DGKI: variants seen among roughly 807,000 people sequenced by gnomAD.
The protein encoded by DGKI is DAG kinase iota.
A neutral mutation model predicts 147.5 loss-of-function variants in DGKI; 55 were observed. The observed-to-expected ratio is 0.37, with a 90% CI of 0.30 to 0.47. DGKI has a LOEUF of 0.47. DGKI is among the 20% of genes least tolerant of loss of function. The pLI, the probability that DGKI is intolerant of heterozygous loss-of-function variation, is 1.00. For missense variants in DGKI, 1,007 were observed against 1,323.8 expected, an observed-to-expected ratio of 0.76 and a Z score of 3.71; for synonymous variants, 469 against 477.1, an observed-to-expected ratio of 0.98 and a Z score of 0.22.
intron 1 of DGKI, among the ~76,000 whole-genome samples, chr7:137,690,846 C>CAAG (rs142386442): frequency 0.019 from 2,950 of 151,674 alleles, 98 homozygotes; most frequent in African/African-American, 0.069. Flanking sequence ...ATAAGAACAG[C>CAAG]AAGAAGAAGA....
chr7:137,618,145 A>ATATATATATG (rs1222286147), intron 8 of DGKI, among the ~76,000 whole-genome samples: 517 of 12,214 alleles, frequency 0.042, 48 homozygotes, highest in African/African-American at 0.12. Flanking sequence ...ATATATATAT[A>ATATATATATG]TATATATTTT....
chr7:137,765,655 C>G (rs535615482), intron 1 of DGKI, among the ~76,000 whole-genome samples: 1 of 152,198 alleles, frequency 6.6e-6, no homozygotes, highest in Non-Finnish European at 1.5e-5. Flanking sequence ...ACCATCAGCC[C>G]TTTGTAATGA....
intron 15 of DGKI, among the ~76,000 whole-genome samples, chr7:137,580,440 T>C (rs1468540876): frequency 1.3e-5 from 2 of 152,096 alleles, no homozygotes; most frequent in Non-Finnish European, 2.9e-5. Flanking sequence ...AGTGGTAGTG[T>C]TTCTGACTCA....
At chr7:137,427,613 C>A (rs1043142705) in intron 28 of DGKI, among the ~76,000 whole-genome samples, 9 of 152,074 alleles carry the variant, frequency 5.9e-5, no homozygotes, top group Admixed American at 6.5e-5. Context: ...AATCCAGGAG[C>A]TGGTTTTTTG....
chr7:137,459,682 G>T (rs1814351742), intron 27 of DGKI, among the ~76,000 whole-genome samples: 1 of 151,734 alleles, frequency 6.6e-6, no homozygotes, highest in South Asian at 2.1e-4. Flanking sequence ...CACCATGTTA[G>T]CCAGGATGGT....
chr7:137,452,541 A>G (rs1814011994), intron 27 of DGKI, among the ~76,000 whole-genome samples: 1 of 152,216 alleles, frequency 6.6e-6, no homozygotes, highest in South Asian at 2.1e-4. Context: ...GTATGTCCAC[A>G]CACTGAAAAC....
At chr7:137,593,087 T>C (rs1192911068) in intron 12 of DGKI, among the ~76,000 whole-genome samples, 1 of 152,194 alleles carries the variant, frequency 6.6e-6, no homozygotes, top group African/African-American at 2.4e-5. Context: ...GGGATGCTTT[T>C]TCATCTAGAA....
chr7:137,768,350 G>A (rs1179388111), intron 1 of DGKI, among the ~76,000 whole-genome samples: 2 of 152,126 alleles, frequency 1.3e-5, no homozygotes, highest in Non-Finnish European at 2.9e-5. Context: ...GCTGTCAGGG[G>A]AGCAGGACTC....
chr7:137,517,316 AAAG>A (rs1456259229), intron 21 of DGKI, among the ~76,000 whole-genome samples: 1 of 135,782 alleles, frequency 7.4e-6, no homozygotes, highest in African/African-American at 3.0e-5. Flanking sequence ...AGAAAGAAAG[AAAG>A]AAAGAAAGAA....
At chr7:137,698,117 TATAG>T (rs1823856568) in intron 1 of DGKI, among the ~76,000 whole-genome samples, 1 of 123,176 alleles carries the variant, frequency 8.1e-6, no homozygotes, top group African/African-American at 5.6e-5. Flanking sequence ...TCCAGATATA[TATAG>T]ATATAGATAT....
chr7:137,570,253 T>C (rs993023921), intron 19 of DGKI, among the ~76,000 whole-genome samples: 65 of 152,178 alleles, frequency 4.3e-4, no homozygotes, highest in African/African-American at 1.5e-3. Context: ...TTTTAACTGG[T>C]CCGCACATCA....
chr7:137,818,843 A>G (rs748962467), intron 1 of DGKI, among the ~76,000 whole-genome samples: 1 of 152,254 alleles, frequency 6.6e-6, no homozygotes, highest in Non-Finnish European at 1.5e-5. Flanking sequence ...TTACACACAA[A>G]TCAATACACA....
chr7:137,568,685 A>G (rs1299722885), intron 19 of DGKI, among the ~76,000 whole-genome samples: 1 of 152,032 alleles, frequency 6.6e-6, no homozygotes, highest in Non-Finnish European at 1.5e-5. Context: ...ACCCTTTCCA[A>G]GTAGTTCTTT....
At chr7:137,493,935 A>G (rs1815866726) in intron 21 of DGKI, 3 of 582,070 alleles carry the variant, frequency 5.2e-6, no homozygotes, top group African/African-American at 1.9e-5. Context: ...AAAGAATACA[A>G]TAAAATGATA....
chr7:137,521,556 C>G (rs1431334621), intron 21 of DGKI, among the ~76,000 whole-genome samples: 3 of 152,028 alleles, frequency 2.0e-5, no homozygotes, highest in Non-Finnish European at 2.9e-5. Context: ...TGGTGCTATA[C>G]CATTGGTATC....
intron 1 of DGKI, among the ~76,000 whole-genome samples, chr7:137,803,753 AT>A (rs1563204917): frequency 1.3e-5 from 2 of 152,208 alleles, no homozygotes; most frequent in African/African-American, 4.8e-5. Flanking sequence ...AATGAAACAT[AT>A]TAAGTAAGTG....
intron 1 of DGKI, chr7:137,771,899 T>C (rs950553139): frequency 6.6e-6 from 1 of 152,204 alleles, no homozygotes; most frequent in Non-Finnish European, 1.5e-5. Flanking sequence ...TCCAGAATCA[T>C]GAAAAGGCAG....
intron 19 of DGKI, among the ~76,000 whole-genome samples, chr7:137,561,342 G>A (rs10264413): frequency 0.052 from 7,836 of 152,112 alleles, 485 homozygotes; most frequent in African/African-American, 0.15. Flanking sequence ...ACACATTCTC[G>A]TTAATTTGTG....
In DGKI at chr7:137,754,459, G is replaced by A. The variant is rs114264659; in HGVS notation, c.402-64457C>T. On this transcript the variant is annotated intron_variant, in intron 1 of 32. Coordinates refer to ENST00000614521, the MANE Select transcript of DGKI (RefSeq NM_001321708.2). ...GGGAGACTGCTGCGTGACCAGCTCA[G>A]GGTTTCCCACCAACCTGTCTGCAAT... Among the ~76,000 whole-genome samples, 697 of 152,294 alleles carry A rather than the reference G, an allele frequency of 4.6e-3. 11 individuals carry two copies. The highest frequency in any genetic ancestry group is 0.016 in the African/African-American group (669 of 41,550).
Sources: gnomAD v4.1 joint callset for allele counts (sites outside exome capture counted in the v4.1 genomes callset) on GRCh38, gnomAD v4.1.1 for gene constraint, MANE v1.5 for transcripts, NCBI Gene and HGNC (gene_info 2026-07-23, HGNC 2026-07-21) for gene names.